Variants in FGF14 observed in about 807,000 individuals in gnomAD.
FGF14 encodes fibroblast growth factor homologous factor 4.
A neutral mutation model predicts 25.5 loss-of-function variants in FGF14; 5 were observed. The observed-to-expected ratio is 0.20, with a 90% CI of 0.10 to 0.41. FGF14 has a LOEUF of 0.41. FGF14 is among the 10% of genes least tolerant of loss of function. FGF14 has a pLI of 1.00. For missense variants in FGF14, 222 were observed against 320.1 expected (o/e 0.69, Z 2.34); for synonymous variants, 138 against 118.3 (o/e 1.17, Z -1.08).
Position 101,826,262 on chromosome 13 carries a change from G to C in FGF14, c.408+42463C>G, listed in dbSNP as rs9585788. On this transcript the variant is annotated intron_variant, in intron 3 of 4. Transcript: ENST00000376143. ...AATACCATTTCACTAACCTCCCCCC[G>C]TCCCCGATACACAGAAACACCTAGC... is the stretch of plus-strand genomic sequence containing the variant. Among the ~76,000 whole-genome samples, 1,258 of 151,582 alleles carry C rather than the reference G, an allele frequency of 8.3e-3. 15 individuals are homozygous for C. The highest frequency in any genetic ancestry group is 0.029 in the African/African-American group (1,208 of 41,312).
At chr13:102,219,988 T>A (rs2050537006) in intron 1 of FGF14, among the ~76,000 whole-genome samples, 1 of 152,162 alleles carries the variant, frequency 6.6e-6, no homozygotes, top group African/African-American at 2.4e-5. Context: ...GTAAGTGATG[T>A]AATAATTCCA....
intron 1 of FGF14, among the ~76,000 whole-genome samples, chr13:102,383,316 C>G (rs1454358082): frequency 6.6e-6 from 1 of 151,972 alleles, no homozygotes; most frequent in East Asian, 1.9e-4. Context: ...ATTCATTAGA[C>G]AAATATGTTT....
chr13:102,068,802 C>A (rs115858883), intron 1 of FGF14, among the ~76,000 whole-genome samples: 5,187 of 152,310 alleles, frequency 0.034, 269 homozygotes, highest in African/African-American at 0.12. Flanking sequence ...CGACGAGCAC[C>A]ACCCCCCTGC....
intron 1 of FGF14, among the ~76,000 whole-genome samples, chr13:102,375,290 A>G (rs1023000631): frequency 6.6e-6 from 1 of 152,172 alleles, no homozygotes; most frequent in African/African-American, 2.4e-5. Flanking sequence ...GCAGGTGCTC[A>G]GCTAGAGCCA....
intron 3 of FGF14, among the ~76,000 whole-genome samples, chr13:101,801,238 T>G (rs1057141489): frequency 6.6e-6 from 1 of 152,204 alleles, no homozygotes; most frequent in Non-Finnish European, 1.5e-5. Flanking sequence ...TGAGGAACCA[T>G]ATAGAGTCTT....
chr13:102,229,431 T>C (rs1200535622), intron 1 of FGF14, among the ~76,000 whole-genome samples: 2 of 152,224 alleles, frequency 1.3e-5, no homozygotes, highest in African/African-American at 4.8e-5. Context: ...GACATGGTGA[T>C]GAATAGGAGA....
intron 1 of FGF14, among the ~76,000 whole-genome samples, chr13:102,160,915 C>G (rs1431701227): frequency 6.6e-6 from 1 of 152,154 alleles, no homozygotes; most frequent in African/African-American, 2.4e-5. Flanking sequence ...AATTACAACT[C>G]AACGGAAGAA....
intron 1 of FGF14, among the ~76,000 whole-genome samples, chr13:102,122,860 C>G (rs755518490): frequency 3.3e-5 from 5 of 152,154 alleles, no homozygotes; most frequent in Non-Finnish European, 7.3e-5. Context: ...TATTTATACT[C>G]TCTCCATTTT....
At chr13:101,832,129 T>A (rs2042700467) in intron 3 of FGF14, among the ~76,000 whole-genome samples, 2 of 151,652 alleles carry the variant, frequency 1.3e-5, no homozygotes, top group Admixed American at 1.3e-4. Flanking sequence ...CAGAGGGAGA[T>A]CCGATATACG....
intron 1 of FGF14, among the ~76,000 whole-genome samples, chr13:102,055,363 C>G (rs1372645918): frequency 6.6e-6 from 1 of 152,154 alleles, no homozygotes; most frequent in Non-Finnish European, 1.5e-5. Context: ...TATTGCTTTC[C>G]TCTAGAGGGA....
intron 3 of FGF14, among the ~76,000 whole-genome samples, chr13:101,848,320 G>C (rs2043572191): frequency 6.6e-6 from 1 of 151,890 alleles, no homozygotes; most frequent in African/African-American, 2.4e-5. Context: ...TAGAACATAA[G>C]AGTAATCTTA....
chr13:101,783,263 A>G (rs956792655), intron 3 of FGF14, among the ~76,000 whole-genome samples: 1 of 152,100 alleles, frequency 6.6e-6, no homozygotes, highest in African/African-American at 2.4e-5. Flanking sequence ...CAAGGTCAGG[A>G]GATCAAGACC....
intron 1 of FGF14, among the ~76,000 whole-genome samples, chr13:101,884,565 A>G (rs1194602526): frequency 6.6e-6 from 1 of 152,134 alleles, no homozygotes; most frequent in African/African-American, 2.4e-5. Flanking sequence ...CTCAATAAAT[A>G]CATCATTAAT....
intron 1 of FGF14, among the ~76,000 whole-genome samples, chr13:101,941,757 A>G (rs1416593255): frequency 6.6e-6 from 1 of 152,254 alleles, no homozygotes; most frequent in Non-Finnish European, 1.5e-5. Context: ...AAATAAATTA[A>G]GGAAGAATTC....
chr13:102,143,468 G>A (rs1398248745), intron 1 of FGF14, among the ~76,000 whole-genome samples: 1 of 152,078 alleles, frequency 6.6e-6, no homozygotes, highest in Non-Finnish European at 1.5e-5. Context: ...AAAACTGAGG[G>A]GTATGGTGAA....
At chr13:102,246,129 T>C (rs1382394956) in intron 1 of FGF14, among the ~76,000 whole-genome samples, 2 of 152,098 alleles carry the variant, frequency 1.3e-5, no homozygotes, top group East Asian at 1.9e-4. Context: ...AGATATCTGA[T>C]AAGCCACTGC....
chr13:101,821,036 C>T (rs1316184547), intron 3 of FGF14, among the ~76,000 whole-genome samples: 2 of 148,578 alleles, frequency 1.3e-5, no homozygotes, highest in East Asian at 2.0e-4. Context: ...CAGGCTCCGC[C>T]CCCCGGGATT....
intron 3 of FGF14, among the ~76,000 whole-genome samples, chr13:101,829,197 C>T (rs1187350215): frequency 6.6e-6 from 1 of 152,058 alleles, no homozygotes; most frequent in East Asian, 1.9e-4. Flanking sequence ...GGGAAAGAAA[C>T]CAGCTAGCTC....
intron 3 of FGF14, among the ~76,000 whole-genome samples, chr13:101,766,606 C>A (rs1233437918): frequency 1.3e-5 from 2 of 152,128 alleles, no homozygotes; most frequent in African/African-American, 2.4e-5. Flanking sequence ...CAGTACTGGG[C>A]TGAAGAGTGT....
Sources: allele counts gnomAD v4.1 joint callset (sites outside exome capture counted in the v4.1 genomes callset), GRCh38; gene constraint gnomAD v4.1.1; transcripts MANE v1.5; gene names NCBI Gene and HGNC (gene_info 2026-07-23, HGNC 2026-07-21).